The following ASCL1 variants were observed in gnomAD, a reference collection of about 807,000 sequenced individuals.
The protein encoded by ASCL1 is achaete-scute family bHLH transcription factor 1.
ASCL1 carries 2 observed loss-of-function variants against 16.1 expected under a neutral mutation model. That is an observed-to-expected ratio of 0.12 (90% confidence interval 0.05 to 0.39). The LOEUF (loss-of-function observed/expected upper bound fraction) is 0.39. ASCL1 is among the 10% of genes least tolerant of loss of function. The pLI is 0.99. For synonymous variants in ASCL1, 165 were observed against 155.7 expected, an observed-to-expected ratio of 1.06 and a Z score of -0.45; for missense variants, 276 against 336.9, an observed-to-expected ratio of 0.82 and a Z score of 1.41.
rs1446752532 is a variant in ASCL1, at chr12:102,960,060, G to C, written c.*746G>C. 6.9e-6 allele frequency: 1 copy of C among 144,962 alleles called. No individual in the cohort carries two copies. Among genetic ancestry groups the C allele is most frequent in the Non-Finnish European group, 1.5e-5 (1 of 67,994 alleles). The allele number at this position is 144,962 out of a possible 1,614,324, so 9.0% of individuals were successfully genotyped here. A position where few individuals can be genotyped will look rare whatever the true frequency, so the allele number is the denominator to read the frequency against. ...GATATTTTTGTACATAAGAGAGAAA[G>C]AGAGAGAAAAATTTATAGAAGTTTT... On this transcript the variant is annotated 3_prime_UTR_variant, in exon 2 of 2. Coordinates refer to ENST00000266744, the MANE Select transcript of ASCL1 (RefSeq NM_004316.4).
rs968726843 is a variant in ASCL1 at position 102,959,860 on chromosome 12, A to G, written c.*546A>G. 1 of 152,232 alleles carries G rather than the reference A, an allele frequency of 6.6e-6. No individual in the cohort carries two copies. Among genetic ancestry groups the G allele is most frequent in the African/African-American group, 2.4e-5 (1 of 41,422 alleles). The allele number at this position is 152,232 out of a possible 1,614,324, so 9.4% of individuals were successfully genotyped here. A position where few individuals can be genotyped will look rare whatever the true frequency, so the allele number is the denominator to read the frequency against. ...CATTGGTTTACAGTGAAACTATGCTATTCTCAGCCCTTTGAAACTCTGCTT... is the reference window on the plus strand; with the variant it reads ...CATTGGTTTACAGTGAAACTATGCTGTTCTCAGCCCTTTGAAACTCTGCTT... On this transcript the variant is annotated 3_prime_UTR_variant, in exon 2 of 2. Coordinates refer to ENST00000266744, the MANE Select transcript of ASCL1 (RefSeq NM_004316.4).
At position 102,958,818 on chromosome 12, in the gene ASCL1, A is replaced by G. The variant is rs748042985; in HGVS notation, c.574A>G (p.Thr192Ala). The change falls in exon 1 of 2, where the codon ACC becomes GCC. Residue 192 changes from threonine to alanine, a missense_variant. By Grantham distance (58) the Thr-to-Ala change is moderately conservative. Around this residue, in one of 3 missense-constraint regions of ASCL1, gnomAD observed 68 missense variants for 86.7 expected, o/e 0.78. Transcript: ENST00000266744. ...CTTCCAGGCAGGCGTCCTGTCGCCC[A>G]CCATCTCCCCCAACTACTCCAACGA... ...AAFQAGVLSP[T>A]ISPNYSNDLN... 18 of 1,613,772 alleles carry G rather than the reference A, an allele frequency of 1.1e-5. No homozygotes were observed. In the East Asian group the frequency reaches 4.0e-4, roughly 36 times the overall value.
Position 102,958,370 on chromosome 12 carries a change from C to A in ASCL1, c.126C>A (p.Ala42=), listed in dbSNP as rs1329290573. 2 of 1,442,798 alleles carry A rather than the reference C, an allele frequency of 1.4e-6. No individual in the cohort carries two copies. Among genetic ancestry groups the A allele is most frequent in the Admixed American group, 3.0e-5 (1 of 33,872 alleles). 89.4% of individuals were successfully genotyped at this position (1,442,798 alleles called of 1,614,324 possible). The change falls in exon 1 of 2, where the codon GCC becomes GCA. Residue 42 remains alanine, a synonymous_variant. Transcript: ENST00000266744. ...CGGCCGCAGCCGCGGCGGCCGCAGC[C>A]GCCGCAGCGGCAGCGCAGAGCGCGC... ...FATAAAAAAA[A]AAAAAQSAQQ...
Position 102,958,342 on chromosome 12 carries a change from C to A in ASCL1, c.98C>A (p.Ala33Asp). Residue 33 changes from alanine to aspartate, a missense_variant, in exon 1 of 2, where the codon GCC becomes GAC. Ala to Asp is a moderately radical substitution (Grantham distance 126). Coordinates refer to ENST00000266744, the MANE Select transcript of ASCL1 (RefSeq NM_004316.4). ...CTGCCGCCCGCAGCCTGTTTCTTTG[C>A]CACGGCCGCAGCCGCGGCGGCCGCA... ...PFLPPAACFFATAAAAAAAAA... is the reference protein window; with the variant it reads ...PFLPPAACFFDTAAAAAAAAA... 1 of 1,457,542 alleles carries A rather than the reference C, an allele frequency of 6.9e-7. No individual in the cohort carries two copies. Among genetic ancestry groups the A allele is most frequent in the Non-Finnish European group, 9.0e-7 (1 of 1,109,788 alleles). The allele number at this position is 1,457,542 out of a possible 1,614,324, so 90.3% of individuals were successfully genotyped here.
rs757273309 is a variant in ASCL1, at chr12:102,958,281, G to T, written c.37G>T (p.Gly13Cys). ...SSAKMESGGAGQQPQPQPQQP... is the reference protein window; with the variant it reads ...SSAKMESGGACQQPQPQPQQP... ...TGCCAAGATGGAGAGCGGCGGCGCC[G>T]GCCAGCAGCCCCAGCCGCAGCCCCA... The change falls in exon 1 of 2, where the codon GGC (glycine) becomes TGC (cysteine). Residue 13 changes from glycine to cysteine, a missense_variant. Around this residue, in one of 3 missense-constraint regions of ASCL1, gnomAD observed 178 missense variants for 167.0 expected, o/e 1.07. Transcript: ENST00000266744. The T allele has an allele frequency of 2.7e-6, 4 of 1,476,050 alleles. No individual in the cohort carries two copies. Among genetic ancestry groups the T allele is most frequent in the Non-Finnish European group, 3.6e-6 (4 of 1,118,660 alleles). The allele number at this position is 1,476,050 out of a possible 1,614,324, so 91.4% of individuals were successfully genotyped here.
chr12:102,958,930 T>A lies in ASCL1; in HGVS notation c.686T>A (p.Leu229His), dbSNP rs751107874. 6.2e-7 allele frequency: 1 copy of A among 1,613,784 alleles called. No homozygotes were observed. Among genetic ancestry groups the A allele is most frequent in the Non-Finnish European group, 8.5e-7 (1 of 1,180,044 alleles). ...YDPLSPEEQE[L>H]LDFTNWF ...CCGCTCAGCCCCGAGGAGCAGGAGCTTCTCGACTTCACCAACTGGTTCTGA... is the reference window on the plus strand; with the variant it reads ...CCGCTCAGCCCCGAGGAGCAGGAGCATCTCGACTTCACCAACTGGTTCTGA... Residue 229 changes from leucine (L) to histidine (H), a missense_variant, in exon 1 of 2, where the codon CTT becomes CAT. Physicochemically the swap from Leu to His is moderately conservative, Grantham distance 99. Around this residue, in one of 3 missense-constraint regions of ASCL1, gnomAD observed 68 missense variants for 86.7 expected, o/e 0.78. Coordinates refer to ENST00000266744, the MANE Select transcript of ASCL1 (RefSeq NM_004316.4).
Position 102,958,780 on chromosome 12 carries a change from C to T in ASCL1, c.536C>T (p.Ala179Val). 1 of 1,614,066 alleles carries T rather than the reference C, an allele frequency of 6.2e-7. No homozygotes were observed. Among genetic ancestry groups the T allele is most frequent in the Non-Finnish European group, 8.5e-7 (1 of 1,180,000 alleles). ...CAGCAGCTGCTGGACGAGCATGACGCGGTGAGCGCCGCCTTCCAGGCAGGC... is the reference window on the plus strand; with the variant it reads ...CAGCAGCTGCTGGACGAGCATGACGTGGTGAGCGCCGCCTTCCAGGCAGGC... ...ALQQLLDEHD[A>V]VSAAFQAGVL... The change falls in exon 1 of 2, where the codon GCG becomes GTG. Residue 179 changes from alanine to valine, a missense_variant. Ala to Val is a moderately conservative substitution (Grantham distance 64). Coordinates refer to ENST00000266744, the MANE Select transcript of ASCL1 (RefSeq NM_004316.4).
At position 102,958,350 on chromosome 12, in the gene ASCL1, G is replaced by A; in HGVS notation, c.106G>A (p.Ala36Thr). ...CGCAGCCTGTTTCTTTGCCACGGCC[G>A]CAGCCGCGGCGGCCGCAGCCGCCGC... ...PPAACFFATA[A>T]AAAAAAAAAA... is the part of the protein sequence containing the mutation. Residue 36 changes from alanine to threonine, a missense_variant, in exon 1 of 2, where the codon GCA becomes ACA. Around this residue, in one of 3 missense-constraint regions of ASCL1, gnomAD observed 178 missense variants for 167.0 expected, o/e 1.07. Coordinates refer to ENST00000266744, the MANE Select transcript of ASCL1 (RefSeq NM_004316.4). The A allele has an allele frequency of 7.0e-7, 1 of 1,430,192 alleles. No individual in the cohort carries two copies. Among genetic ancestry groups the A allele is most frequent in the Non-Finnish European group, 9.1e-7 (1 of 1,096,886 alleles). 88.6% of individuals were successfully genotyped at this position (1,430,192 alleles called of 1,614,324 possible). A position where few individuals can be genotyped will look rare whatever the true frequency, so the allele number is the denominator to read the frequency against.
chr12:102,959,197 G>A (rs1880041529), intron 1 of ASCL1, among the ~76,000 whole-genome samples, 165 bp from the exon 2 acceptor site: 1 of 152,188 alleles, frequency 6.6e-6, no homozygotes, highest in Admixed American at 6.5e-5. Flanking sequence ...AGGTCTCCAA[G>A]GAGTGAAGGG....
chr12:102,958,376 AGCGGC>A lies in ASCL1; in HGVS notation c.133_137del (p.Ala45SerfsTer110). 6.9e-7 allele frequency: 1 copy of A among 1,448,392 alleles called. No individual in the cohort carries two copies. The highest frequency in any genetic ancestry group is 9.1e-7 in the Non-Finnish European group (1 of 1,104,838). 89.7% of individuals were successfully genotyped at this position (1,448,392 alleles called of 1,614,324 possible). On this transcript the variant is annotated frameshift_variant, in exon 1 of 2. Coordinates refer to ENST00000266744, the MANE Select transcript of ASCL1 (RefSeq NM_004316.4). LOFTEE classifies it high-confidence loss of function. ...CAGCCGCGGCGGCCGCAGCCGCCGC[AGCGGC>A]AGCGCAGAGCGCGCAGCAGCAGCAG...
rs1880025385 is a variant in ASCL1, at chr12:102,958,810, T to C, written c.566T>C (p.Leu189Pro). The C allele has an allele frequency of 1.9e-6, 3 of 1,613,928 alleles. No homozygotes were observed. The Admixed American group carries it at 5.0e-5, about 27-fold the overall frequency. Reference sequence around the variant, plus strand: ...AGCGCCGCCTTCCAGGCAGGCGTCCTGTCGCCCACCATCTCCCCCAACTAC... The same window carrying C: ...AGCGCCGCCTTCCAGGCAGGCGTCCCGTCGCCCACCATCTCCCCCAACTAC... ...AVSAAFQAGV[L>P]SPTISPNYSN... Residue 189 changes from leucine (L) to proline (P), a missense_variant, in exon 1 of 2, where the codon CTG becomes CCG. By Grantham distance (98) the Leu-to-Pro change is moderately conservative. Transcript: ENST00000266744.
chr12:102,958,285 A>AGCAGCCCCAGCC lies in ASCL1; in HGVS notation c.53_64dup (p.Pro18_Gln21dup), dbSNP rs752400009. On this transcript the variant is annotated inframe_insertion, in exon 1 of 2. Transcript: ENST00000266744. Reference sequence around the variant, plus strand: ...AAGATGGAGAGCGGCGGCGCCGGCCAGCAGCCCCAGCCGCAGCCCCAGCAG... The same window carrying AGCAGCCCCAGCC: ...AAGATGGAGAGCGGCGGCGCCGGCCAGCAGCCCCAGCCGCAGCCCCAGCCGCAGCCCCAGCAG... 94 of 1,477,148 alleles carry AGCAGCCCCAGCC rather than the reference A, an allele frequency of 6.4e-5. No homozygotes were observed. In the African/African-American group the frequency reaches 7.3e-4, roughly 11 times the overall value. The allele number at this position is 1,477,148 out of a possible 1,614,324, so 91.5% of individuals were successfully genotyped here.
rs3832799 is a variant in ASCL1, at chr12:102,958,393, CGCAGCAGCAGCAGCAGCAGCA to C, written c.166_186del (p.Gln56_Gln62del). On this transcript the variant is annotated inframe_deletion, in exon 1 of 2. Coordinates refer to ENST00000266744, the MANE Select transcript of ASCL1 (RefSeq NM_004316.4). Reference sequence around the variant, plus strand: ...GCCGCCGCAGCGGCAGCGCAGAGCGCGCAGCAGCAGCAGCAGCAGCAGCAGCAGCAGCAGCAGGCGCCGCAG... The same window carrying C: ...GCCGCCGCAGCGGCAGCGCAGAGCGCGCAGCAGCAGCAGCAGGCGCCGCAG... The C allele has an allele frequency of 1.9e-3, 2,872 of 1,507,080 alleles. 7 individuals carry two copies. The highest frequency in any genetic ancestry group is 3.2e-3 in the South Asian group (256 of 80,742). The allele number at this position is 1,507,080 out of a possible 1,614,324, so 93.4% of individuals were successfully genotyped here. A position where few individuals can be genotyped will look rare whatever the true frequency, so the allele number is the denominator to read the frequency against.
rs3832799 is a variant in ASCL1 at position 102,958,393 on chromosome 12, CGCAGCAGCAGCAGCAGCA to C, written c.169_186del (p.Gln57_Gln62del). 1.1e-4 allele frequency: 165 copies of C among 1,507,064 alleles called. No individual in the cohort carries two copies. The highest frequency in any genetic ancestry group is 2.1e-4 in the South Asian group (17 of 80,764). 93.4% of individuals were successfully genotyped at this position (1,507,064 alleles called of 1,614,324 possible). A position where few individuals can be genotyped will look rare whatever the true frequency, so the allele number is the denominator to read the frequency against. On this transcript the variant is annotated inframe_deletion, in exon 1 of 2. Transcript: ENST00000266744. Reference sequence around the variant, plus strand: ...GCCGCCGCAGCGGCAGCGCAGAGCGCGCAGCAGCAGCAGCAGCAGCAGCAGCAGCAGCAGCAGGCGCCG... The same window carrying C: ...GCCGCCGCAGCGGCAGCGCAGAGCGCGCAGCAGCAGCAGCAGCAGGCGCCG...
In ASCL1 at chr12:102,958,221, G is replaced by T; in HGVS notation, c.-24G>T. On this transcript the variant is annotated 5_prime_UTR_variant, in exon 1 of 2. Transcript: ENST00000266744. ...TCGCGTCCCGGATCGCTCTGATTCC[G>T]CGACTCCTTGGCCGCCGCTGCGCAT... is the stretch of plus-strand genomic sequence containing the variant. 1 of 1,456,362 alleles carries T rather than the reference G, an allele frequency of 6.9e-7. No homozygotes were observed. 90.2% of individuals were successfully genotyped at this position (1,456,362 alleles called of 1,614,324 possible).
Position 102,959,896 on chromosome 12 carries a change from GCCCGATTCCCAA to G in ASCL1, c.*583_*594del, listed in dbSNP as rs1269617932. 3 of 152,250 alleles carry G rather than the reference GCCCGATTCCCAA, an allele frequency of 2.0e-5. No homozygotes were observed. The highest frequency in any genetic ancestry group is 4.4e-5 in the Non-Finnish European group (3 of 67,994). The allele number at this position is 152,250 out of a possible 1,614,324, so 9.4% of individuals were successfully genotyped here. On this transcript the variant is annotated 3_prime_UTR_variant, in exon 2 of 2. Transcript: ENST00000266744. ...TTTGAAACTCTGCTTCTCCTCCAGG[GCCCGATTCCCAA>G]ACCCCATGGCTTCCCTCACACTGTC...
At chr12:102,959,131 G>A in intron 1 of ASCL1, 129 bp downstream of exon 1, 2 of 1,096,468 alleles carry the variant, frequency 1.8e-6, no homozygotes, top group Non-Finnish European at 1.3e-6. Context: ...AAAGTTGGTC[G>A]ATTTCAAGTC....
In ASCL1 at chr12:102,958,880, C is replaced by T. The variant is rs1019280002; in HGVS notation, c.636C>T (p.Tyr212=). ...TGGCCGGCTCGCCGGTCTCATCCTA[C>T]TCGTCGGACGAGGGCTCTTACGACC... The part of the protein sequence containing the change: ...NSMAGSPVSS[Y]SSDEGSYDPL... Residue 212 remains tyrosine (Y), a synonymous_variant, in exon 1 of 2, where the codon TAC becomes TAT. Coordinates refer to ENST00000266744, the MANE Select transcript of ASCL1 (RefSeq NM_004316.4). 7 of 1,613,914 alleles carry T rather than the reference C, an allele frequency of 4.3e-6. No homozygotes were observed. The East Asian group carries it at 1.1e-4, about 26-fold the overall frequency.
Position 102,958,901 on chromosome 12 carries a change from C to T in ASCL1, c.657C>T (p.Tyr219=). 6.2e-7 allele frequency: 1 copy of T among 1,613,924 alleles called. No homozygotes were observed. The highest frequency in any genetic ancestry group is 2.2e-5 in the East Asian group (1 of 44,874). Residue 219 remains tyrosine, a synonymous_variant, in exon 1 of 2, where the codon TAC becomes TAT. Coordinates refer to ENST00000266744, the MANE Select transcript of ASCL1 (RefSeq NM_004316.4). The part of the protein sequence containing the change: ...VSSYSSDEGS[Y]DPLSPEEQEL... The stretch of plus-strand genomic sequence containing the variant: ...CCTACTCGTCGGACGAGGGCTCTTA[C>T]GACCCGCTCAGCCCCGAGGAGCAGG...
Sources: allele counts gnomAD v4.1 joint callset (sites outside exome capture counted in the v4.1 genomes callset), GRCh38; gene constraint gnomAD v4.1.1; regional missense constraint gnomAD v4.1.1; transcripts MANE v1.5; gene names NCBI Gene and HGNC (gene_info 2026-07-23, HGNC 2026-07-21).